The following PRKDC variants were observed in gnomAD, a reference collection of about 807,000 sequenced individuals.
PRKDC encodes the protein DNA-dependent protein kinase catalytic subunit.
Under a neutral mutation model 486.9 loss-of-function variants are expected in PRKDC, and 82 were observed. The ratio of observed to expected loss-of-function variants is 0.17; its 90% CI spans 0.14 to 0.20. PRKDC has a LOEUF of 0.20. PRKDC is among the 10% of genes least tolerant of loss of function. The pLI is 1.00. For synonymous variants in PRKDC, 1,895 were observed against 1,837.0 expected (o/e 1.03, Z -0.81); for missense variants, 4,504 against 5,038.2 (o/e 0.89, Z 3.21).
At chr8:47,837,942 C>A (rs2088063540) in intron 56 of PRKDC, among the ~76,000 whole-genome samples, 1 of 152,142 alleles carries the variant, frequency 6.6e-6, no homozygotes, top group South Asian at 2.1e-4. Flanking sequence ...TCAAGACCAG[C>A]CTGACCAACA....
intron 73 of PRKDC, 48 bp downstream of exon 73, chr8:47,798,189 T>G: frequency 6.3e-7 from 1 of 1,575,872 alleles, no homozygotes; most frequent in Non-Finnish European, 8.6e-7. Context: ...AAGCGTATCT[T>G]TAAGTTCTGT....
At position 47,821,706 on chromosome 8, in the gene PRKDC, G is replaced by A; in HGVS notation, c.9009C>T (p.Asn3003=). The change falls in exon 65 of 86, where the codon AAC becomes AAT. Residue 3003 remains asparagine, a synonymous_variant. Transcript: ENST00000314191. ...FWELASLDCY[N]HLAEWKSLEY... ...CAAGTGATTTCCACTCAGCAAGGTG[G>A]TTGTAACAGTCAAGGGATGCAAGTT... 1 of 1,601,120 alleles carries A rather than the reference G, an allele frequency of 6.2e-7. No homozygotes were observed. The highest frequency in any genetic ancestry group is 8.5e-7 in the Non-Finnish European group (1 of 1,173,186).
At chr8:47,955,482 A>AG in intron 4 of PRKDC, among the ~76,000 whole-genome samples, 1 of 151,270 alleles carries the variant, frequency 6.6e-6, no homozygotes, top group Non-Finnish European at 1.5e-5. Context: ...AAAAAAAAAA[A>AG]AAAAAGAAAA....
At chr8:47,855,150 T>C in intron 50 of PRKDC, 72 bp downstream of exon 50, 1 of 1,329,394 alleles carries the variant, frequency 7.5e-7, no homozygotes, top group Non-Finnish European at 1.0e-6. Context: ...AATTTCACTG[T>C]AATCATCATT....
chr8:47,923,711 A>G (rs2090111011), intron 21 of PRKDC, among the ~76,000 whole-genome samples: 1 of 152,172 alleles, frequency 6.6e-6, no homozygotes. Context: ...CTAGGAGGAC[A>G]CTCAGAGGCC....
rs747520309 is a variant in PRKDC at position 47,955,892 on chromosome 8, G to A, written c.381C>T (p.Ala127=). The A allele has an allele frequency of 6.2e-7, 1 of 1,601,654 alleles. No homozygotes were observed. Among genetic ancestry groups the A allele is most frequent in the Non-Finnish European group, 8.5e-7 (1 of 1,170,642 alleles). ...KDRAAKCKIP[A]LDLLIKLLQT... ...TAATTACCTTAATAAGAAGGTCCAG[G>A]GCTGGAATTTTACATTTAGCAGCTC... The change falls in exon 4 of 86, where the codon GCC becomes GCT. Residue 127 remains alanine, a synonymous_variant. Transcript: ENST00000314191.
intron 54 of PRKDC, among the ~76,000 whole-genome samples, chr8:47,848,550 G>C (rs1020663723): frequency 6.6e-6 from 1 of 151,632 alleles, no homozygotes; most frequent in Admixed American, 6.6e-5. Flanking sequence ...CACTACCTGA[G>C]TGACAGATTC....
chr8:47,886,144 C>G lies in PRKDC; in HGVS notation c.4576G>C (p.Glu1526Gln). The change falls in exon 36 of 86, where the codon GAG becomes CAG. Residue 1526 changes from glutamate (E) to glutamine (Q), a missense_variant. Around this residue, in one of 6 missense-constraint regions of PRKDC, gnomAD observed 1,969 missense variants for 2,068.9 expected, o/e 0.95. Transcript: ENST00000314191. ...ELAFAFGGLC[E>Q]RLVSLLLNPA... Reference sequence around the variant, plus strand: ...TTCAGGAGAAGACTCACAAGGCGCTCACACTGGGAAAAAGAAAGGAGAAGT... The same window carrying G: ...TTCAGGAGAAGACTCACAAGGCGCTGACACTGGGAAAAAGAAAGGAGAAGT... 11 of 1,589,544 alleles carry G rather than the reference C, an allele frequency of 6.9e-6. No individual in the cohort carries two copies. Among genetic ancestry groups the G allele is most frequent in the Non-Finnish European group, 9.4e-6 (11 of 1,169,642 alleles).
chr8:47,863,584 A>C lies in PRKDC; in HGVS notation c.5572-7T>G. The stretch of plus-strand genomic sequence containing the variant: ...CAAAGGTAGATTCATTTAGCTTCAA[A>C]AAGGTAAAAAATAATTATCTTTGGT... On this transcript the variant is annotated splice_region_variant and splice_polypyrimidine_tract_variant and intron_variant, in intron 41 of 85. Coordinates refer to ENST00000314191, the MANE Select transcript of PRKDC (RefSeq NM_006904.7). 4 of 1,594,100 alleles carry C rather than the reference A, an allele frequency of 2.5e-6. No homozygotes were observed. The highest frequency in any genetic ancestry group is 3.4e-6 in the Non-Finnish European group (4 of 1,165,780).
At chr8:47,887,435 T>C in intron 35 of PRKDC, 112 bp downstream of exon 35, 1 of 1,006,770 alleles carries the variant, frequency 9.9e-7, no homozygotes, top group Non-Finnish European at 1.3e-6. Context: ...CATACAATAC[T>C]TGTCCAGCTA....
At chr8:47,832,367 C>T (rs2087904886) in intron 59 of PRKDC, among the ~76,000 whole-genome samples, 1 of 152,198 alleles carries the variant, frequency 6.6e-6, no homozygotes, top group Admixed American at 6.5e-5. Context: ...CAGGAGACAC[C>T]AGCCTTAACC....
At chr8:47,865,355 C>A (rs904173343) in intron 40 of PRKDC, among the ~76,000 whole-genome samples, 3 of 151,616 alleles carry the variant, frequency 2.0e-5, no homozygotes, top group Non-Finnish European at 4.4e-5. Context: ...TGCACTCCAG[C>A]CTGGCAACAG....
intron 70 of PRKDC, among the ~76,000 whole-genome samples, chr8:47,802,785 TGGGACTACAGGCGCCCACCACCA>T (rs2087136756): frequency 2.0e-5 from 3 of 152,246 alleles, no homozygotes; most frequent in African/African-American, 7.2e-5. Flanking sequence ...CCCGAGTAGC[TGGGACTACAGGCGCCCACCACCA>T]TGCCTGGTTA....
chr8:47,819,378 A>G, intron 67 of PRKDC, 24 bp downstream of exon 67: 1 of 1,407,668 alleles, frequency 7.1e-7, no homozygotes, highest in Non-Finnish European at 9.7e-7. Flanking sequence ...GAAATGAAAA[A>G]AAAAGACCGA....
chr8:47,935,043 A>G lies in PRKDC; in HGVS notation c.1463T>C (p.Ile488Thr). 4 of 1,522,992 alleles carry G rather than the reference A, an allele frequency of 2.6e-6. No individual in the cohort carries two copies. Among genetic ancestry groups the G allele is most frequent in the Non-Finnish European group, 3.5e-6 (4 of 1,127,964 alleles). The allele number at this position is 1,522,992 out of a possible 1,614,324, so 94.3% of individuals were successfully genotyped here. Residue 488 changes from isoleucine to threonine, a missense_variant, in exon 14 of 86, where the codon ATC becomes ACC. Physicochemically the swap from Ile to Thr is moderately conservative, Grantham distance 89. Coordinates refer to ENST00000314191, the MANE Select transcript of PRKDC (RefSeq NM_006904.7). ...CISTVVHQGL[I>T]RICSKPVVLP... ...GACCACTGGTTTAGAACATATTCTG[A>G]TTAAACCCTGATGCACTGAAAAAAG...
chr8:47,901,526 A>C (rs991988806), intron 27 of PRKDC, among the ~76,000 whole-genome samples: 2 of 152,138 alleles, frequency 1.3e-5, no homozygotes, highest in Non-Finnish European at 2.9e-5. Flanking sequence ...ACAACCTAAA[A>C]CACTTCTCAA....
At chr8:47,931,000 T>C (rs2090241592) in intron 16 of PRKDC, among the ~76,000 whole-genome samples, 1 of 152,066 alleles carries the variant, frequency 6.6e-6, no homozygotes, top group African/African-American at 2.4e-5. Context: ...CAGGAAGTGA[T>C]GAGAGAATGG....
At chr8:47,777,621 AGATACCAGCTT>A in intron 84 of PRKDC, 54 bp downstream of exon 84, 1 of 1,440,158 alleles carries the variant, frequency 6.9e-7, no homozygotes, top group Non-Finnish European at 9.4e-7. Flanking sequence ...CATACACGAG[AGATACCAGCTT>A]GATCACGGGG....
intron 10 of PRKDC, among the ~76,000 whole-genome samples, chr8:47,942,053 G>A (rs1333747833): frequency 6.6e-6 from 1 of 152,180 alleles, no homozygotes; most frequent in African/African-American, 2.4e-5. Context: ...TAGGGAACAA[G>A]GCCCCCAGGG....
Sources: gnomAD v4.1 joint callset for allele counts (sites outside exome capture counted in the v4.1 genomes callset) on GRCh38, gnomAD v4.1.1 for gene constraint, gnomAD v4.1.1 regional missense constraint, MANE v1.5 for transcripts, NCBI Gene and HGNC (gene_info 2026-07-23, HGNC 2026-07-21) for gene names.